FOXJ3: variants seen among roughly 807,000 people sequenced by gnomAD.
The protein encoded by FOXJ3 is forkhead box protein J3.
FOXJ3 carries 22 observed loss-of-function variants against 76.1 expected under a neutral mutation model. The ratio of observed to expected loss-of-function variants is 0.29; its 90% CI spans 0.21 to 0.41. The LOEUF (loss-of-function observed/expected upper bound fraction) is 0.41. Ranked by LOEUF, FOXJ3 falls within the 10% of genes least tolerant of loss-of-function variation. The probability of loss-of-function intolerance (pLI) is 1.00; values close to 1 mark genes in which losing one functional copy is unlikely to be tolerated. For synonymous variants in FOXJ3, 269 were observed against 261.2 expected, an observed-to-expected ratio of 1.03 and a Z score of -0.29; for missense variants, 613 against 762.1, an observed-to-expected ratio of 0.80 and a Z score of 2.30.
rs1646497910 is a variant in FOXJ3 at position 42,189,376 on chromosome 1, A to G, written c.1380T>C (p.Leu460=). The G allele has an allele frequency of 6.2e-7, 1 of 1,612,990 alleles. No individual in the cohort carries two copies. Among genetic ancestry groups the G allele is most frequent in the Non-Finnish European group, 8.5e-7 (1 of 1,179,140 alleles). The change falls in exon 10 of 13, where the codon CTT becomes CTC. Residue 460 remains leucine, a synonymous_variant. Transcript: ENST00000361346. ...SGVSNDWYAT[L]DMLKESCRIA... ...TTCGACAGCTTTCTTTTAGCATATC[A>G]AGTGTCGCATACCAATCATTTGAAA... is the stretch of plus-strand genomic sequence containing the variant.
At chr1:42,204,238 C>A (rs905824410) in intron 6 of FOXJ3, among the ~76,000 whole-genome samples, 6 of 152,044 alleles carry the variant, frequency 3.9e-5, no homozygotes, top group African/African-American at 1.4e-4. Flanking sequence ...ACCCCTGAAG[C>A]CCTGGTTGTC....
At chr1:42,246,916 G>A (rs891858071) in intron 4 of FOXJ3, among the ~76,000 whole-genome samples, 10 of 152,134 alleles carry the variant, frequency 6.6e-5, no homozygotes, top group Non-Finnish European at 1.3e-4. Context: ...AGTATGTTAA[G>A]CCAGGCACAG....
chr1:42,191,482 G>A lies in FOXJ3; in HGVS notation c.1172C>T (p.Pro391Leu), dbSNP rs765143421. The A allele has an allele frequency of 1.5e-5, 25 of 1,613,896 alleles. No individual in the cohort carries two copies. The highest frequency in any genetic ancestry group is 1.9e-5 in the Non-Finnish European group (23 of 1,179,906). The change falls in exon 9 of 13, where the codon CCG (proline) becomes CTG (leucine). Residue 391 changes from proline (P) to leucine (L), a missense_variant. Around this residue, in one of 3 missense-constraint regions of FOXJ3, gnomAD observed 526 missense variants for 601.4 expected, o/e 0.87. Coordinates refer to ENST00000361346, the MANE Select transcript of FOXJ3 (RefSeq NM_014947.5). ...PHPPHRPHGL[P>L]QHPQRSPHPA... is the part of the protein sequence containing the mutation. ...GTGTGGGGAACGCTGCGGATGCTGC[G>A]GTAAACCATGCGGTCGATGGGGAGG... is the stretch of plus-strand genomic sequence containing the variant.
chr1:42,219,832 T>C (rs555199473), intron 5 of FOXJ3, among the ~76,000 whole-genome samples: 4 of 152,296 alleles, frequency 2.6e-5, no homozygotes, highest in East Asian at 1.9e-4. Flanking sequence ...CAGTTGAGGA[T>C]AGCTTGAGCC....
chr1:42,326,596 A>G (rs1655844030), intron 1 of FOXJ3, among the ~76,000 whole-genome samples: 2 of 152,214 alleles, frequency 1.3e-5, no homozygotes, highest in Admixed American at 6.5e-5. Flanking sequence ...ATACTTACAT[A>G]AAACAAGACC....
At chr1:42,231,177 T>A (rs998459835) in intron 4 of FOXJ3, among the ~76,000 whole-genome samples, 1 of 151,246 alleles carries the variant, frequency 6.6e-6, no homozygotes, top group Non-Finnish European at 1.5e-5. Flanking sequence ...ATACAAAAAA[T>A]TAGCAGGGCA....
rs1311939601 is a variant in FOXJ3 at position 42,179,758 on chromosome 1, C to T, written c.1821G>A (p.Leu607=). 1 of 1,613,888 alleles carries T rather than the reference C, an allele frequency of 6.2e-7. No homozygotes were observed. Among genetic ancestry groups the T allele is most frequent in the Non-Finnish European group, 8.5e-7 (1 of 1,179,960 alleles). ...PSQAFQMRRS[L]PPDDIQDDFD... ...AGTCATCCTGGATGTCATCTGGAGG[C>T]AGGGAACGCCGCATCTGGAAGGCTT... Residue 607 remains leucine, a synonymous_variant, in exon 13 of 13, where the codon CTG becomes CTA. Transcript: ENST00000361346.
chr1:42,284,735 G>C (rs1374822814), intron 2 of FOXJ3, among the ~76,000 whole-genome samples: 1 of 152,092 alleles, frequency 6.6e-6, no homozygotes, highest in East Asian at 1.9e-4. Context: ...TTTTCCTTAG[G>C]AGCTAAAAGA....
intron 5 of FOXJ3, among the ~76,000 whole-genome samples, chr1:42,216,848 A>G (rs1416791667): frequency 6.6e-6 from 1 of 152,260 alleles, no homozygotes; most frequent in South Asian, 2.1e-4. Flanking sequence ...AATCTAAAAG[A>G]AGGCAGGAAA....
chr1:42,304,407 A>G (rs1654337047), intron 2 of FOXJ3, among the ~76,000 whole-genome samples: 1 of 152,144 alleles, frequency 6.6e-6, no homozygotes, highest in Admixed American at 6.5e-5. Flanking sequence ...AAAAATCCTA[A>G]AATTTATACG....
chr1:42,320,471 T>C (rs1350416711), intron 1 of FOXJ3, among the ~76,000 whole-genome samples: 1 of 152,140 alleles, frequency 6.6e-6, no homozygotes, highest in Non-Finnish European at 1.5e-5. Context: ...TGTGGTCTAA[T>C]AAAGAACCCT....
rs1646534398 is a variant in FOXJ3, at chr1:42,191,218, A to G, written c.1351+85T>C. 2.4e-5 allele frequency: 30 copies of G among 1,264,132 alleles called. No homozygotes were observed. In the South Asian group the frequency reaches 5.0e-4, roughly 21 times the overall value. The allele number at this position is 1,264,132 out of a possible 1,614,324, so 78.3% of individuals were successfully genotyped here. A position where few individuals can be genotyped will look rare whatever the true frequency, so the allele number is the denominator to read the frequency against. On this transcript the variant is annotated intron_variant, in intron 9 of 12. Transcript: ENST00000361346. ...GAAACAGATGTAAAGAGGTTTTGGT[A>G]GTAAATACTACATGAGCTCTAAATA...
intron 2 of FOXJ3, among the ~76,000 whole-genome samples, chr1:42,301,505 G>C (rs1289642000): frequency 6.6e-6 from 1 of 151,916 alleles, no homozygotes; most frequent in East Asian, 1.9e-4. Context: ...ACCGGACTTC[G>C]TTCACTTATT....
intron 2 of FOXJ3, among the ~76,000 whole-genome samples, chr1:42,291,338 TTC>T (rs1489045975): frequency 2.0e-5 from 3 of 152,180 alleles, no homozygotes; most frequent in African/African-American, 7.2e-5. Flanking sequence ...AGGCAAATAT[TTC>T]TTAGATATGA....
At chr1:42,301,635 G>C (rs1654156815) in intron 2 of FOXJ3, among the ~76,000 whole-genome samples, 1 of 151,896 alleles carries the variant, frequency 6.6e-6, no homozygotes, top group South Asian at 2.1e-4. Context: ...ACTATATTTT[G>C]TAATTCTTTC....
chr1:42,194,909 C>T lies in FOXJ3; in HGVS notation c.915G>A (p.Glu305=). ...ACTCACCTTGTTGACTAAGTGACTG[C>T]TCAAAAACTGACTTATAAAGGCTCC... is the stretch of plus-strand genomic sequence containing the variant. ...SFRSLYKSVF[E]QSLSQQGLMN... The change falls in exon 8 of 13, where the codon GAG becomes GAA. Residue 305 remains glutamate (E), a synonymous_variant. Transcript: ENST00000361346. 1 of 1,599,554 alleles carries T rather than the reference C, an allele frequency of 6.3e-7. No individual in the cohort carries two copies. The highest frequency in any genetic ancestry group is 1.1e-5 in the South Asian group (1 of 87,278).
chr1:42,274,333 T>C (rs947946049), intron 3 of FOXJ3, among the ~76,000 whole-genome samples: 3 of 152,248 alleles, frequency 2.0e-5, no homozygotes, highest in Non-Finnish European at 4.4e-5. Flanking sequence ...AGACTCCTAT[T>C]CAAAATATAC....
intron 2 of FOXJ3, among the ~76,000 whole-genome samples, chr1:42,303,747 AACT>A (rs545872526): frequency 2.6e-4 from 39 of 152,340 alleles, no homozygotes; most frequent in African/African-American, 7.5e-4. Context: ...TATCACCAGA[AACT>A]ACTACAAGTA....
At chr1:42,282,899 CT>C (rs1401538197) in intron 2 of FOXJ3, among the ~76,000 whole-genome samples, 2 of 152,178 alleles carry the variant, frequency 1.3e-5, no homozygotes, top group African/African-American at 2.4e-5. Flanking sequence ...AGATTCTGAT[CT>C]CCTTGAAAGA....
Sources: gnomAD v4.1 joint callset for allele counts (sites outside exome capture counted in the v4.1 genomes callset) on GRCh38, gnomAD v4.1.1 for gene constraint, gnomAD v4.1.1 regional missense constraint, MANE v1.5 for transcripts, NCBI Gene and HGNC (gene_info 2026-07-23, HGNC 2026-07-21) for gene names.